The following TRIO variants were observed in gnomAD, a reference collection of about 807,000 sequenced individuals.
The protein encoded by TRIO is triple functional domain protein.
A neutral mutation model predicts 351.9 loss-of-function variants in TRIO; 58 were observed. That is an observed-to-expected ratio of 0.16 (90% CI 0.13 to 0.21). The LOEUF (loss-of-function observed/expected upper bound fraction) is 0.21, where lower values mean the gene tolerates loss of function less well. TRIO is among the 10% of genes least tolerant of loss of function. TRIO has a pLI of 1.00. For synonymous variants in TRIO, 1,758 were observed against 1,595.7 expected, an observed-to-expected ratio of 1.10 and a Z score of -2.42; for missense variants, 3,201 against 4,027.8, an observed-to-expected ratio of 0.79 and a Z score of 5.56.
chr5:14,368,627 A>G (rs747103318), intron 16 of TRIO, 81 bp from the exon 17 acceptor site: 13 of 1,444,982 alleles, frequency 9.0e-6, no homozygotes, highest in Non-Finnish European at 4.7e-6. Context: ...TGAAGAACAG[A>G]GTAACTGTAG....
chr5:14,202,396 G>T (rs1168143400), intron 1 of TRIO, among the ~76,000 whole-genome samples: 1 of 137,968 alleles, frequency 7.2e-6, no homozygotes, highest in African/African-American at 2.7e-5. Flanking sequence ...TCTTCTTCCA[G>T]TGTGGCCCCA....
intron 8 of TRIO, 107 bp from the exon 9 acceptor site, chr5:14,316,406 A>G (rs1739384082): frequency 3.7e-6 from 4 of 1,081,762 alleles, no homozygotes; most frequent in Non-Finnish European, 5.4e-6. Context: ...GTGTACATGT[A>G]CGTGTGTGCC....
intron 34 of TRIO, among the ~76,000 whole-genome samples, chr5:14,458,389 G>T (rs1300883992): frequency 6.6e-6 from 1 of 152,138 alleles, no homozygotes; most frequent in Non-Finnish European, 1.5e-5. Context: ...TCCTGACCCA[G>T]TGCCTAGGTT....
intron 31 of TRIO, among the ~76,000 whole-genome samples, chr5:14,403,816 T>TGTGAGGGTGCAGGTGGTG (rs1465210958): frequency 1.5e-4 from 2 of 13,378 alleles, no homozygotes; most frequent in Non-Finnish European, 2.6e-4. Flanking sequence ...GGGTGCAGGT[T>TGTGAGGGTGCAGGTGGTG]GTGAGGGTGC....
At chr5:14,364,574 T>C in intron 14 of TRIO, 76 bp from the exon 15 acceptor site, 1 of 1,515,940 alleles carries the variant, frequency 6.6e-7, no homozygotes, top group Non-Finnish European at 8.9e-7. Context: ...AAAAGCAGAT[T>C]TTGTGCCATC....
intron 1 of TRIO, among the ~76,000 whole-genome samples, chr5:14,233,316 TAAAAAAAAAA>T (rs35925373): frequency 3.7e-5 from 4 of 109,238 alleles, no homozygotes; most frequent in African/African-American, 1.1e-4. Flanking sequence ...CCTCGTCTCT[TAAAAAAAAAA>T]AAAAAAAAAA....
chr5:14,307,507 C>A (rs1383010237), intron 8 of TRIO, among the ~76,000 whole-genome samples: 1 of 152,232 alleles, frequency 6.6e-6, no homozygotes, highest in Non-Finnish European at 1.5e-5. Flanking sequence ...TTCTCGTGGG[C>A]TGACTCAGGC....
At chr5:14,229,515 G>A (rs1244965560) in intron 1 of TRIO, among the ~76,000 whole-genome samples, 3 of 152,200 alleles carry the variant, frequency 2.0e-5, no homozygotes, top group Admixed American at 2.0e-4. Context: ...ATCTGTCCTA[G>A]GAGTTTAATT....
intron 9 of TRIO, among the ~76,000 whole-genome samples, chr5:14,321,834 C>G (rs1378549452): frequency 6.6e-6 from 1 of 152,112 alleles, no homozygotes; most frequent in Non-Finnish European, 1.5e-5. Flanking sequence ...GTGAATAAGT[C>G]TTGTGAAATC....
intron 10 of TRIO, among the ~76,000 whole-genome samples, chr5:14,334,694 G>A (rs755068084): frequency 1.1e-4 from 16 of 152,212 alleles, no homozygotes; most frequent in Non-Finnish European, 2.2e-4. Context: ...TGGAGGCCCC[G>A]TTGTGCCCAT....
At chr5:14,404,183 CGAT>C (rs1375248094) in intron 31 of TRIO, among the ~76,000 whole-genome samples, 1 of 151,734 alleles carries the variant, frequency 6.6e-6, no homozygotes, top group Non-Finnish European at 1.5e-5. Flanking sequence ...GTGGTAGTGG[CGAT>C]GATGATGTCC....
intron 33 of TRIO, among the ~76,000 whole-genome samples, chr5:14,410,010 T>A (rs1749063063): frequency 6.6e-6 from 1 of 152,032 alleles, no homozygotes; most frequent in African/African-American, 2.4e-5. Flanking sequence ...CACTCCAGAC[T>A]CAGTTTCTTA....
chr5:14,189,591 C>T (rs754661596), intron 1 of TRIO, among the ~76,000 whole-genome samples: 6 of 152,176 alleles, frequency 3.9e-5, no homozygotes, highest in Non-Finnish European at 8.8e-5. Flanking sequence ...TAAATTCACA[C>T]GTGAGTGTCG....
At chr5:14,165,363 T>A (rs764875627) in intron 1 of TRIO, among the ~76,000 whole-genome samples, 1 of 152,154 alleles carries the variant, frequency 6.6e-6, no homozygotes, top group Non-Finnish European at 1.5e-5. Flanking sequence ...GAACATGCAG[T>A]ATTTGGTTTT....
chr5:14,476,803 A>G, intron 40 of TRIO, 91 bp from the exon 41 acceptor site: 1 of 1,143,974 alleles, frequency 8.7e-7, no homozygotes, highest in Non-Finnish European at 1.2e-6. Flanking sequence ...AAAAAAAAAA[A>G]GAAAAAAAGA....
chr5:14,378,158 C>A, intron 20 of TRIO, 31 bp downstream of exon 20: 2 of 1,537,256 alleles, frequency 1.3e-6, no homozygotes, highest in South Asian at 1.2e-5. Context: ...CAGCCTCCCC[C>A]TAAACTCCCG....
At chr5:14,333,049 A>G (rs946200856) in intron 10 of TRIO, among the ~76,000 whole-genome samples, 1 of 152,164 alleles carries the variant, frequency 6.6e-6, no homozygotes, top group Non-Finnish European at 1.5e-5. Flanking sequence ...CAGAGGCTGT[A>G]TTTGGAATCC....
chr5:14,472,546 C>G (rs780916325), intron 38 of TRIO, 46 bp from the exon 39 acceptor site: 27 of 1,605,874 alleles, frequency 1.7e-5, no homozygotes, highest in African/African-American at 1.2e-4. Flanking sequence ...CAAAAAAATT[C>G]ATTTAGAAAA....
In TRIO at chr5:14,363,892, ATCT is replaced by A; in HGVS notation, c.2556_2558del (p.Leu853del). On this transcript the variant is annotated inframe_deletion, in exon 14 of 57. Coordinates refer to ENST00000344204, the MANE Select transcript of TRIO (RefSeq NM_007118.4). ...TTTGACGTCATCCACCAAGGGCAAG[ATCT>A]TCTGCAGTATGTCAATGAGGTCCAG... 6.2e-7 allele frequency: 1 copy of A among 1,614,194 alleles called. No homozygotes were observed. Among genetic ancestry groups the A allele is most frequent in the Non-Finnish European group, 8.5e-7 (1 of 1,180,038 alleles).
Sources: gnomAD v4.1 joint callset for allele counts (sites outside exome capture counted in the v4.1 genomes callset) on GRCh38, gnomAD v4.1.1 for gene constraint, MANE v1.5 for transcripts, NCBI Gene and HGNC (gene_info 2026-07-23, HGNC 2026-07-21) for gene names.